The following DAB1 variants were observed in gnomAD, a reference collection of about 807,000 sequenced individuals.
DAB1 encodes disabled homolog 1.
A neutral mutation model predicts 64.6 loss-of-function variants in DAB1; 15 were observed. The ratio of observed to expected loss-of-function variants is 0.23; its 90% CI spans 0.16 to 0.36. The LOEUF (loss-of-function observed/expected upper bound fraction) is 0.36, where lower values mean the gene tolerates loss of function less well. DAB1 is among the 10% of genes least tolerant of loss of function. DAB1 has a pLI of 1.00. For missense variants in DAB1, 596 were observed against 706.7 expected, an observed-to-expected ratio of 0.84 and a Z score of 1.78; for synonymous variants, 235 against 251.9, an observed-to-expected ratio of 0.93 and a Z score of 0.64.
chr1:57,728,556 C>T (rs113633241), intron 6 of DAB1, among the ~76,000 whole-genome samples: 4 of 151,390 alleles, frequency 2.6e-5, no homozygotes, highest in Non-Finnish European at 5.9e-5. Flanking sequence ...ATCACGTCAC[C>T]GTACTCCAGC....
At chr1:58,224,632 T>G (rs1341962784) in intron 4 of DAB1, among the ~76,000 whole-genome samples, 1 of 152,080 alleles carries the variant, frequency 6.6e-6, no homozygotes, top group East Asian at 1.9e-4. Flanking sequence ...CATTATCATC[T>G]CATTTGACCC....
chr1:57,546,064 GGAGTGT>G (rs1173763655), intron 7 of DAB1, among the ~76,000 whole-genome samples: 49 of 137,980 alleles, frequency 3.6e-4, no homozygotes, highest in Admixed American at 5.1e-4. Flanking sequence ...TGAGCAGAGG[GGAGTGT>G]GTGTGTGTGT....
chr1:58,190,972 T>C (rs76338061), intron 4 of DAB1, among the ~76,000 whole-genome samples: 1,662 of 152,254 alleles, frequency 0.011, 32 homozygotes, highest in African/African-American at 0.038. Context: ...CCCAATGGGC[T>C]CTCACAGTCC....
intron 4 of DAB1, among the ~76,000 whole-genome samples, chr1:58,275,977 T>A (rs1278872820): frequency 1.3e-5 from 2 of 152,216 alleles, no homozygotes; most frequent in South Asian, 4.1e-4. Flanking sequence ...TGGAATACTG[T>A]TCAGTCTTAA....
chr1:58,366,385 G>A (rs184277797), intron 3 of DAB1, among the ~76,000 whole-genome samples: 29 of 152,278 alleles, frequency 1.9e-4, no homozygotes, highest in African/African-American at 6.3e-4. Flanking sequence ...TATCACATAC[G>A]AGAATCTTCT....
chr1:58,077,167 C>A (rs1649706864), intron 5 of DAB1, among the ~76,000 whole-genome samples: 1 of 152,074 alleles, frequency 6.6e-6, no homozygotes, highest in African/African-American at 2.4e-5. Flanking sequence ...ATGATAATAC[C>A]ATCAGTGGGT....
chr1:58,393,122 T>TTTTTA (rs1644489716), intron 3 of DAB1, among the ~76,000 whole-genome samples: 1 of 79,398 alleles, frequency 1.3e-5, no homozygotes, highest in Non-Finnish European at 2.4e-5. Flanking sequence ...TTCCAAATCT[T>TTTTTA]TTTTTTTTTT....
rs146816901 is a variant in DAB1 at position 57,097,388 on chromosome 1, C to T, written c.307-24974G>A. Among the ~76,000 whole-genome samples, 93 of 152,310 alleles carry T rather than the reference C, an allele frequency of 6.1e-4. 1 individual carries two copies. The East Asian group carries it at 0.013, about 21-fold the overall frequency. On this transcript the variant is annotated intron_variant, in intron 4 of 14. Coordinates refer to ENST00000371236, the MANE Select transcript of DAB1 (RefSeq NM_001365792.1). ...CGAGCTGATGGATGCTTCTACATTA[C>T]CACCCAAAGCCTTATAGTTATCCAG...
At chr1:58,119,714 G>A (rs546865010) in intron 5 of DAB1, among the ~76,000 whole-genome samples, 5 of 152,274 alleles carry the variant, frequency 3.3e-5, no homozygotes, top group South Asian at 2.1e-4. Flanking sequence ...GGAGCAGAGA[G>A]GCCTGAAAAT....
At chr1:57,711,258 G>C (rs1170735254) in intron 6 of DAB1, among the ~76,000 whole-genome samples, 2 of 152,212 alleles carry the variant, frequency 1.3e-5, no homozygotes, top group African/African-American at 4.8e-5. Flanking sequence ...CCTAAGCCTA[G>C]AAATGAGCAA....
chr1:57,873,192 A>C (rs1643983200), intron 1 of DAB1, among the ~76,000 whole-genome samples: 2 of 152,170 alleles, frequency 1.3e-5, no homozygotes, highest in South Asian at 4.1e-4. Flanking sequence ...AAATCTCTTA[A>C]TATCTATTGA....
At chr1:57,757,956 C>A (rs978786) in intron 6 of DAB1, among the ~76,000 whole-genome samples, 91,554 of 151,854 alleles carry the variant, frequency 0.6, 27,779 homozygotes, top group East Asian at 0.66. Context: ...AGCTAGGACT[C>A]CAGGTACATG....
At chr1:57,506,371 G>A (rs12060723) in intron 7 of DAB1, among the ~76,000 whole-genome samples, 2,883 of 152,226 alleles carry the variant, frequency 0.019, 92 homozygotes, top group African/African-American at 0.065. Flanking sequence ...TTCACACTGC[G>A]TTATCAGAGT....
chr1:58,314,335 T>A (rs942139921), intron 4 of DAB1, among the ~76,000 whole-genome samples: 5 of 152,200 alleles, frequency 3.3e-5, no homozygotes, highest in African/African-American at 4.8e-5. Flanking sequence ...CCTTGACAAC[T>A]TCCTTCAGTC....
chr1:57,574,841 C>T (rs1373507409), intron 7 of DAB1, among the ~76,000 whole-genome samples: 1 of 152,168 alleles, frequency 6.6e-6, no homozygotes, highest in Non-Finnish European at 1.5e-5. Flanking sequence ...TCAGGGCCTC[C>T]TGGGTAGCTC....
chr1:57,802,719 C>G (rs1651187939), intron 6 of DAB1, among the ~76,000 whole-genome samples: 1 of 152,052 alleles, frequency 6.6e-6, no homozygotes, highest in African/African-American at 2.4e-5. Context: ...CTGCTCTGGC[C>G]AAGTAAGACA....
intron 2 of DAB1, among the ~76,000 whole-genome samples, chr1:57,183,947 T>C (rs1663254553): frequency 1.3e-5 from 2 of 152,288 alleles, no homozygotes; most frequent in Admixed American, 6.5e-5. Context: ...ACATAGAGGA[T>C]ATCAGTAGAC....
chr1:58,397,774 C>T (rs750206583), intron 3 of DAB1, among the ~76,000 whole-genome samples: 10 of 152,198 alleles, frequency 6.6e-5, no homozygotes, highest in African/African-American at 9.6e-5. Context: ...AAAGTATTCA[C>T]CACGTCCTGT....
chr1:57,450,099 A>G (rs566589427), intron 7 of DAB1, among the ~76,000 whole-genome samples: 10 of 152,350 alleles, frequency 6.6e-5, no homozygotes, highest in African/African-American at 2.4e-4. Flanking sequence ...TGTTAAAGCT[A>G]TTTATGCTTC....
Sources: gnomAD v4.1 joint callset for allele counts (sites outside exome capture counted in the v4.1 genomes callset) on GRCh38, gnomAD v4.1.1 for gene constraint, MANE v1.5 for transcripts, NCBI Gene and HGNC (gene_info 2026-07-23, HGNC 2026-07-21) for gene names.